The following ARL6IP6 variants were observed in gnomAD, a reference collection of about 807,000 sequenced individuals.
ARL6IP6 encodes ADP-ribosylation factor-like protein 6-interacting protein 6.
A neutral mutation model predicts 21.5 loss-of-function variants in ARL6IP6; 22 were observed. That is an observed-to-expected ratio of 1.02 (90% CI 0.73 to 1.46). The LOEUF (loss-of-function observed/expected upper bound fraction) is 1.46. Among genes scored for constraint, ARL6IP6 ranks in the 40% most tolerant of loss-of-function variants. The pLI is 0.00. For missense variants in ARL6IP6, 388 were observed against 299.8 expected, an observed-to-expected ratio of 1.29 and a Z score of -2.17; for synonymous variants, 164 against 125.3, an observed-to-expected ratio of 1.31 and a Z score of -2.06.
At chr2:152,754,918 A>G (rs544624438) in intron 3 of ARL6IP6, among the ~76,000 whole-genome samples, 136 of 152,204 alleles carry the variant, frequency 8.9e-4, no homozygotes, top group Non-Finnish European at 1.5e-3. Flanking sequence ...GACCGAGGGC[A>G]TGAGCTGTTC....
chr2:152,730,690 A>G lies in ARL6IP6; in HGVS notation c.455-4304A>G, dbSNP rs143556336. Among the ~76,000 whole-genome samples the G allele has an allele frequency of 3.6e-3, 550 of 152,286 alleles. 1 individual carries two copies. Among genetic ancestry groups the G allele is most frequent in the Admixed American group, 7.1e-3 (108 of 15,296 alleles). On this transcript the variant is annotated intron_variant, in intron 2 of 3. Coordinates refer to ENST00000326446, the MANE Select transcript of ARL6IP6 (RefSeq NM_152522.7). ...CAGACTAATCCTCAAGACATTTGCT[A>G]TAGTGAGTATTGAAGTATCTTTTAT...
At chr2:152,756,265 G>C (rs1701589499) in intron 3 of ARL6IP6, among the ~76,000 whole-genome samples, 1 of 152,052 alleles carries the variant, frequency 6.6e-6, no homozygotes, top group South Asian at 2.1e-4. Flanking sequence ...ATTGTGTAAG[G>C]TAGAGGACCA....
chr2:152,718,720 T>C lies in ARL6IP6; in HGVS notation c.96T>C (p.Thr32=), dbSNP rs1395935660. 3 of 1,609,608 alleles carry C rather than the reference T, an allele frequency of 1.9e-6. No homozygotes were observed. The highest frequency in any genetic ancestry group is 1.3e-5 in the African/African-American group (1 of 74,842). ...PVARPSYSSF[T]QGDSWGEGEV... Reference sequence around the variant, plus strand: ...CTCGGCCATCGTATTCCTCCTTTACTCAGGGGGACAGCTGGGGTGAAGGCG... The same window carrying C: ...CTCGGCCATCGTATTCCTCCTTTACCCAGGGGGACAGCTGGGGTGAAGGCG... Residue 32 remains threonine (T), a synonymous_variant, in exon 1 of 4, where the codon ACT becomes ACC. Transcript: ENST00000326446.
intron 3 of ARL6IP6, among the ~76,000 whole-genome samples, chr2:152,741,301 ATG>A (rs767420842): frequency 6.6e-6 from 1 of 152,066 alleles, no homozygotes; most frequent in Non-Finnish European, 1.5e-5. Context: ...TGGGATCACA[ATG>A]TATATACTTT....
At chr2:152,723,058 A>G (rs1450722764) in intron 2 of ARL6IP6, among the ~76,000 whole-genome samples, 4 of 152,222 alleles carry the variant, frequency 2.6e-5, no homozygotes, top group African/African-American at 7.2e-5. Context: ...TCCTCTTGAG[A>G]TAATTGATAG....
At chr2:152,737,485 C>T (rs1224434271) in intron 3 of ARL6IP6, among the ~76,000 whole-genome samples, 1 of 152,144 alleles carries the variant, frequency 6.6e-6, no homozygotes, top group African/African-American at 2.4e-5. Flanking sequence ...TTAGTCTGTT[C>T]TCATGCTGTC....
chr2:152,721,506 G>A (rs1483755091), intron 2 of ARL6IP6, among the ~76,000 whole-genome samples: 6 of 152,306 alleles, frequency 3.9e-5, no homozygotes, highest in South Asian at 2.1e-4. Context: ...ATTCTGAAGA[G>A]TTGAAAACTT....
At chr2:152,753,992 C>T (rs909785340) in intron 3 of ARL6IP6, among the ~76,000 whole-genome samples, 2 of 151,444 alleles carry the variant, frequency 1.3e-5, no homozygotes, top group Non-Finnish European at 2.9e-5. Context: ...TGAGCCACCA[C>T]GCCCGGTCCA....
At chr2:152,739,444 G>A (rs1483105640) in intron 3 of ARL6IP6, among the ~76,000 whole-genome samples, 1 of 152,194 alleles carries the variant, frequency 6.6e-6, no homozygotes, top group Admixed American at 6.5e-5. Flanking sequence ...CTAAAGCATA[G>A]CAAAAATCAC....
intron 3 of ARL6IP6, among the ~76,000 whole-genome samples, chr2:152,749,313 A>T (rs201629710): frequency 1.4e-5 from 1 of 73,692 alleles, no homozygotes; most frequent in Non-Finnish European, 2.9e-5. Context: ...ACACACACAA[A>T]AACACACACA....
intron 1 of ARL6IP6, chr2:152,719,753 A>G (rs1699650447): frequency 5.7e-6 from 1 of 174,362 alleles, no homozygotes. Flanking sequence ...AGTTACTGAA[A>G]AAAAAAAAAA....
chr2:152,720,055 GC>G, intron 1 of ARL6IP6: 1 of 424,510 alleles, frequency 2.4e-6, no homozygotes, highest in South Asian at 1.8e-5. Flanking sequence ...ATGATTGGCT[GC>G]CAATGTTTCA....
chr2:152,736,152 G>A (rs1221203484), intron 3 of ARL6IP6, among the ~76,000 whole-genome samples: 1 of 151,954 alleles, frequency 6.6e-6, no homozygotes, highest in Non-Finnish European at 1.5e-5. Context: ...TTTTTGAGGT[G>A]GATAAACAAT....
At chr2:152,720,470 C>T (rs1699732834) in intron 1 of ARL6IP6, 63 bp from the exon 2 acceptor site, 1 of 1,516,876 alleles carries the variant, frequency 6.6e-7, no homozygotes. Flanking sequence ...CCTTCACAGC[C>T]CTTGAGTTAC....
At chr2:152,747,610 CTG>C (rs769570452) in intron 3 of ARL6IP6, among the ~76,000 whole-genome samples, 34 of 151,494 alleles carry the variant, frequency 2.2e-4, no homozygotes, top group Non-Finnish European at 3.5e-4. Flanking sequence ...TAGTCTCACT[CTG>C]TCACCCAGGC....
chr2:152,746,200 T>A (rs1701039503), intron 3 of ARL6IP6, among the ~76,000 whole-genome samples: 1 of 152,016 alleles, frequency 6.6e-6, no homozygotes, highest in African/African-American at 2.4e-5. Flanking sequence ...CTAATTTTTG[T>A]ATTTTTTATA....
intron 3 of ARL6IP6, among the ~76,000 whole-genome samples, chr2:152,755,200 A>G (rs908334927): frequency 2.0e-5 from 3 of 152,198 alleles, no homozygotes; most frequent in Non-Finnish European, 4.4e-5. Flanking sequence ...TCTAGCGGTA[A>G]CGCCAGCATC....
In ARL6IP6 at chr2:152,735,040, T is replaced by G; in HGVS notation, c.501T>G (p.Cys167Trp). The stretch of plus-strand genomic sequence containing the variant: ...TATCCCTAACTGCTGGATTCTCCTG[T>G]TGCAGCTTTTCTTGGACAGTGACTT... ...LIISLTAGFS[C>W]CSFSWTVTYF... is the part of the protein sequence containing the mutation. The change falls in exon 3 of 4, where the codon TGT becomes TGG. Residue 167 changes from cysteine to tryptophan, a missense_variant. Physicochemically the swap from Cys to Trp is radical, Grantham distance 215 (BLOSUM62 -2). Transcript: ENST00000326446. 6.2e-7 allele frequency: 1 copy of G among 1,613,380 alleles called. No individual in the cohort carries two copies.
chr2:152,760,863 A>G lies in ARL6IP6; in HGVS notation c.*1023A>G, dbSNP rs558807696. ...TTTGATACTAGATATTAAAAACTACATATAGTTAATATAATTTTATAATTT... is the reference window on the plus strand; with the variant it reads ...TTTGATACTAGATATTAAAAACTACGTATAGTTAATATAATTTTATAATTT... On this transcript the variant is annotated 3_prime_UTR_variant, in exon 4 of 4. Coordinates refer to ENST00000326446, the MANE Select transcript of ARL6IP6 (RefSeq NM_152522.7). The G allele has an allele frequency of 2.0e-5, 3 of 152,200 alleles. No homozygotes were observed. Among genetic ancestry groups the G allele is most frequent in the South Asian group, 2.1e-4 (1 of 4,830 alleles). The allele number at this position is 152,200 out of a possible 1,614,324, so 9.4% of individuals were successfully genotyped here.
Sources: allele counts gnomAD v4.1 joint callset (sites outside exome capture counted in the v4.1 genomes callset), GRCh38; gene constraint gnomAD v4.1.1; transcripts MANE v1.5; gene names NCBI Gene and HGNC (gene_info 2026-07-23, HGNC 2026-07-21).